Variants in METTL4 observed in about 807,000 individuals in gnomAD.
METTL4 encodes N(6)-adenine-specific methyltransferase METTL4.
METTL4 carries 40 observed loss-of-function variants against 54.0 expected under a neutral mutation model. The observed-to-expected ratio is 0.74, with a 90% CI of 0.58 to 0.96. The LOEUF (loss-of-function observed/expected upper bound fraction) is 0.96, where lower values mean the gene tolerates loss of function less well. Ranked by LOEUF, METTL4 falls within the 50% of genes least tolerant of loss-of-function variation. The pLI, the probability that METTL4 is intolerant of heterozygous loss-of-function variation, is 0.00. For missense variants in METTL4, 525 were observed against 549.0 expected, an observed-to-expected ratio of 0.96 and a Z score of 0.44; for synonymous variants, 169 against 183.8, an observed-to-expected ratio of 0.92 and a Z score of 0.65.
intron 3 of METTL4, among the ~76,000 whole-genome samples, chr18:2,556,339 G>C (rs981432538): frequency 6.6e-6 from 1 of 151,934 alleles, no homozygotes; most frequent in Non-Finnish European, 1.5e-5. Flanking sequence ...AGTCTGCTCT[G>C]ATCATAACTA....
chr18:2,557,273 G>C (rs1472688762), intron 3 of METTL4, among the ~76,000 whole-genome samples: 2 of 151,712 alleles, frequency 1.3e-5, no homozygotes, highest in African/African-American at 4.8e-5. Context: ...GTGTGTGAAG[G>C]AACTATCAGA....
At position 2,547,337 on chromosome 18, in the gene METTL4, G is replaced by A. The variant is rs1265652892; in HGVS notation, c.1074+18C>T. ...TCTATCAAGCTGTATTAACAAATAAGCTAACTTCTGAACTTACTTTTACCC... is the reference window on the plus strand; with the variant it reads ...TCTATCAAGCTGTATTAACAAATAAACTAACTTCTGAACTTACTTTTACCC... On this transcript the variant is annotated intron_variant, in intron 6 of 8. Coordinates refer to ENST00000574538, the MANE Select transcript of METTL4 (RefSeq NM_022840.5). 6.6e-7 allele frequency: 1 copy of A among 1,525,744 alleles called. No homozygotes were observed. Among genetic ancestry groups the A allele is most frequent in the Non-Finnish European group, 8.8e-7 (1 of 1,137,266 alleles). 94.5% of individuals were successfully genotyped at this position (1,525,744 alleles called of 1,614,324 possible). A position where few individuals can be genotyped will look rare whatever the true frequency, so the allele number is the denominator to read the frequency against.
At chr18:2,560,705 G>A (rs1302498465) in intron 3 of METTL4, among the ~76,000 whole-genome samples, 1 of 151,978 alleles carries the variant, frequency 6.6e-6, no homozygotes, top group Non-Finnish European at 1.5e-5. Flanking sequence ...GTGAAACCCC[G>A]TGTCTACTAA....
intron 1 of METTL4, among the ~76,000 whole-genome samples, chr18:2,569,431 A>T (rs898517914): frequency 6.6e-6 from 1 of 151,932 alleles, no homozygotes; most frequent in African/African-American, 2.4e-5. Context: ...CCACACAATC[A>T]CCTTGCTTCT....
chr18:2,556,671 A>G (rs938958008), intron 3 of METTL4, among the ~76,000 whole-genome samples: 2 of 152,190 alleles, frequency 1.3e-5, no homozygotes, highest in Non-Finnish European at 2.9e-5. Context: ...TTTATACTAT[A>G]TTCATATGAT....
intron 5 of METTL4, among the ~76,000 whole-genome samples, chr18:2,549,735 A>T (rs2072123591): frequency 6.7e-6 from 1 of 148,734 alleles, no homozygotes; most frequent in South Asian, 2.1e-4. Context: ...TAATCCCAAC[A>T]CTTTGGGAGG....
At chr18:2,562,636 G>T (rs1002643800) in intron 3 of METTL4, among the ~76,000 whole-genome samples, 1 of 152,162 alleles carries the variant, frequency 6.6e-6, no homozygotes, top group East Asian at 1.9e-4. Flanking sequence ...GATGAACCTT[G>T]AAGACATTAT....
intron 8 of METTL4, chr18:2,540,003 T>C: frequency 4.1e-6 from 4 of 978,552 alleles, no homozygotes; most frequent in Non-Finnish European, 4.9e-6. Flanking sequence ...ACTAAAAACA[T>C]TTCTTCATTT....
chr18:2,557,524 G>C (rs973659067), intron 3 of METTL4, among the ~76,000 whole-genome samples: 3 of 152,140 alleles, frequency 2.0e-5, no homozygotes, highest in African/African-American at 7.2e-5. Flanking sequence ...GTCTCCCCAA[G>C]GCAGAGGATA....
intron 3 of METTL4, among the ~76,000 whole-genome samples, chr18:2,557,746 G>C (rs2072259706): frequency 6.6e-6 from 1 of 152,154 alleles, no homozygotes; most frequent in Admixed American, 6.5e-5. Context: ...GGTGCAAAGG[G>C]AGCCTGTGAG....
At chr18:2,556,615 C>A (rs1159836458) in intron 3 of METTL4, among the ~76,000 whole-genome samples, 2 of 151,486 alleles carry the variant, frequency 1.3e-5, no homozygotes, top group African/African-American at 4.9e-5. Context: ...TACTTGCAGT[C>A]CAAATAAAAA....
At chr18:2,563,295 T>A (rs1378713738) in intron 3 of METTL4, among the ~76,000 whole-genome samples, 1 of 152,196 alleles carries the variant, frequency 6.6e-6, no homozygotes, top group Non-Finnish European at 1.5e-5. Flanking sequence ...GAAGTTTCAA[T>A]AAAAACTGGT....
chr18:2,539,066 A>G lies in METTL4; in HGVS notation c.1353T>C (p.Ser451=). ...GAAATTTGAGAACTTCATTGCCCCAACTAGTCCAACCTGGCTGTAAATTTC... is the reference window on the plus strand; with the variant it reads ...GAAATTTGAGAACTTCATTGCCCCAGCTAGTCCAACCTGGCTGTAAATTTC... ...FARNLQPGWT[S]WGNEVLKFQH... Residue 451 remains serine (S), a synonymous_variant, in exon 9 of 9, where the codon AGT becomes AGC. Coordinates refer to ENST00000574538, the MANE Select transcript of METTL4 (RefSeq NM_022840.5). 5.6e-6 allele frequency: 9 copies of G among 1,614,022 alleles called. No homozygotes were observed. Among genetic ancestry groups the G allele is most frequent in the Non-Finnish European group, 7.6e-6 (9 of 1,179,912 alleles).
intron 1 of METTL4, 37 bp from the exon 2 acceptor site, chr18:2,567,691 T>A (rs2072442014): frequency 6.6e-6 from 1 of 152,660 alleles, no homozygotes; most frequent in Admixed American, 6.5e-5. Context: ...GCTACGTGAA[T>A]TCACCCTTTT....
At chr18:2,552,840 C>T (rs1168583972) in intron 4 of METTL4, 76 bp from the exon 5 acceptor site, 7 of 931,086 alleles carry the variant, frequency 7.5e-6, no homozygotes, top group Non-Finnish European at 1.2e-5. Context: ...TTCTTCAAAA[C>T]TCAAGTGATT....
chr18:2,542,380 C>T (rs904751291), intron 8 of METTL4, among the ~76,000 whole-genome samples: 2 of 141,650 alleles, frequency 1.4e-5, no homozygotes, highest in Non-Finnish European at 3.0e-5. Context: ...CAACAGTCCC[C>T]AGAGTGTGAT....
chr18:2,564,417 G>A (rs540922027), intron 2 of METTL4, among the ~76,000 whole-genome samples: 18 of 152,278 alleles, frequency 1.2e-4, no homozygotes, highest in Non-Finnish European at 2.4e-4. Context: ...CTATGACACC[G>A]TATGAAGTTA....
intron 3 of METTL4, among the ~76,000 whole-genome samples, chr18:2,562,763 TGGGGGAC>T (rs2072340816): frequency 2.9e-5 from 4 of 137,088 alleles, no homozygotes; most frequent in African/African-American, 1.1e-4. Context: ...TACCAGCAGC[TGGGGGAC>T]GGGGGGATGG....
rs578114791 is a variant in METTL4, at chr18:2,539,852, A to T, written c.1274-707T>A. ...AAAAAAATTGAAAAACAACCCATTT[A>T]AAAAAAAAAAAGACAAAAGTCTGTC... On this transcript the variant is annotated intron_variant, in intron 8 of 8. Transcript: ENST00000574538. 2.6e-3 allele frequency: 1,369 copies of T among 529,978 alleles called. 11 individuals carry two copies. The African/African-American group carries it at 0.046, about 18-fold the overall frequency. The allele number at this position is 529,978 out of a possible 1,614,324, so 32.8% of individuals were successfully genotyped here. A position where few individuals can be genotyped will look rare whatever the true frequency, so the allele number is the denominator to read the frequency against.
Sources: gnomAD v4.1 joint callset for allele counts (sites outside exome capture counted in the v4.1 genomes callset) on GRCh38, gnomAD v4.1.1 for gene constraint, MANE v1.5 for transcripts, NCBI Gene and HGNC (gene_info 2026-07-23, HGNC 2026-07-21) for gene names.